The following RBFOX1 variants were observed in gnomAD, a reference collection of about 807,000 sequenced individuals.
The protein encoded by RBFOX1 is RNA binding protein fox-1 homolog 1.
In RBFOX1, 8 loss-of-function variants were observed where a neutral mutation model predicts 57.7. That is an observed-to-expected ratio of 0.14 (90% confidence interval 0.08 to 0.25). The LOEUF is 0.25. RBFOX1 is among the 10% of genes least tolerant of loss of function. The probability of loss-of-function intolerance (pLI) is 1.00; values close to 1 mark genes in which losing one functional copy is unlikely to be tolerated. For synonymous variants in RBFOX1, 326 were observed against 222.4 expected, an observed-to-expected ratio of 1.47 and a Z score of -4.15; for missense variants, 611 against 548.5, an observed-to-expected ratio of 1.11 and a Z score of -1.14.
At chr16:5,637,658 C>G (rs528683472) in intron 3 of RBFOX1, among the ~76,000 whole-genome samples, 2 of 152,286 alleles carry the variant, frequency 1.3e-5, no homozygotes, top group East Asian at 3.9e-4. Context: ...TTTGGGCAGT[C>G]TCTACTTCTG....
At chr16:6,422,002 C>T (rs2093787520) in intron 2 of RBFOX1, among the ~76,000 whole-genome samples, 1 of 148,694 alleles carries the variant, frequency 6.7e-6, no homozygotes, top group Admixed American at 6.9e-5. Context: ...CTCACTGCAA[C>T]CTCTGCCTCC....
chr16:5,392,816 G>C (rs534128747), intron 1 of RBFOX1, among the ~76,000 whole-genome samples: 1 of 152,156 alleles, frequency 6.6e-6, no homozygotes, highest in Non-Finnish European at 1.5e-5. Flanking sequence ...CCTGTGGGCA[G>C]CAGGAGCACC....
At chr16:6,904,868 TTCTC>T (rs1274910862) in intron 3 of RBFOX1, among the ~76,000 whole-genome samples, 1 of 152,082 alleles carries the variant, frequency 6.6e-6, no homozygotes, top group Non-Finnish European at 1.5e-5. Flanking sequence ...TGGGTGAAGT[TTCTC>T]TCTATTACAC....
intron 4 of RBFOX1, among the ~76,000 whole-genome samples, chr16:7,434,019 C>T (rs1331159523): frequency 6.6e-6 from 1 of 152,130 alleles, no homozygotes; most frequent in African/African-American, 2.4e-5. Context: ...CTATTGGAAA[C>T]TGCTCTTGGA....
Position 6,021,739 on chromosome 16 carries a change from T to C in RBFOX1, c.-127+1747T>C, listed in dbSNP as rs1343915569. On this transcript the variant is annotated intron_variant, in intron 1 of 15. Coordinates refer to ENST00000550418, the MANE Select transcript of RBFOX1 (RefSeq NM_018723.4). ...GAGCACAGGGCTTCTGGATCCGTTA[T>C]CTGCCAGCTGTGTGACCTTGGGCAA... Among the ~76,000 whole-genome samples, 7 of 152,336 alleles carry C rather than the reference T, an allele frequency of 4.6e-5. No individual in the cohort carries two copies. In the East Asian group the frequency reaches 1.4e-3, roughly 29 times the overall value.
intron 3 of RBFOX1, among the ~76,000 whole-genome samples, chr16:6,839,576 G>A (rs1025817831): frequency 3.3e-5 from 5 of 152,292 alleles, no homozygotes; most frequent in Middle Eastern, 3.4e-3. Context: ...AGCCCTGCTG[G>A]TATTTCCACA....
intron 3 of RBFOX1, among the ~76,000 whole-genome samples, chr16:6,782,006 T>C (rs527550746): frequency 2.0e-5 from 3 of 152,204 alleles, no homozygotes; most frequent in East Asian, 3.9e-4. Flanking sequence ...GTTGCTGCTG[T>C]TGTTGTTATT....
chr16:5,618,285 C>G (rs1420553212), intron 3 of RBFOX1, among the ~76,000 whole-genome samples: 2 of 152,066 alleles, frequency 1.3e-5, no homozygotes, highest in East Asian at 1.9e-4. Context: ...TGGGTATATG[C>G]ATGAGTCCAG....
intron 4 of RBFOX1, among the ~76,000 whole-genome samples, chr16:7,426,595 T>A (rs2098616414): frequency 1.3e-5 from 2 of 152,098 alleles, no homozygotes; most frequent in Admixed American, 1.3e-4. Context: ...AGGGAGAGGA[T>A]CTCCCCCAAT....
At chr16:7,703,132 C>G (rs893596529) in intron 14 of RBFOX1, among the ~76,000 whole-genome samples, 6 of 152,226 alleles carry the variant, frequency 3.9e-5, no homozygotes, top group Admixed American at 3.3e-4. Flanking sequence ...TGCCCTGTTG[C>G]TATGCTGTAC....
At chr16:5,828,480 G>C (rs1377920823) in intron 3 of RBFOX1, among the ~76,000 whole-genome samples, 1 of 152,054 alleles carries the variant, frequency 6.6e-6, no homozygotes, top group Non-Finnish European at 1.5e-5. Flanking sequence ...TGGGCGGATC[G>C]CGAGGTCAAT....
intron 4 of RBFOX1, among the ~76,000 whole-genome samples, chr16:7,099,731 G>A (rs188965639): frequency 1.2e-4 from 19 of 152,284 alleles, no homozygotes; most frequent in Admixed American, 1.0e-3. Flanking sequence ...CTTCAAGGAG[G>A]AAGGTGTTTC....
intron 3 of RBFOX1, among the ~76,000 whole-genome samples, chr16:6,841,216 C>T (rs72768811): frequency 0.15 from 22,758 of 152,038 alleles, 2,168 homozygotes; most frequent in South Asian, 0.24. Flanking sequence ...TAGTTATAAA[C>T]ATTATAATAA....
chr16:7,176,041 C>T (rs953457622), intron 4 of RBFOX1, among the ~76,000 whole-genome samples: 1 of 151,796 alleles, frequency 6.6e-6, no homozygotes, highest in East Asian at 2.0e-4. Flanking sequence ...GACATGTAAC[C>T]AAGATGGACC....
chr16:7,152,434 A>G (rs547123834), intron 4 of RBFOX1, among the ~76,000 whole-genome samples: 2 of 152,218 alleles, frequency 1.3e-5, no homozygotes, highest in South Asian at 2.1e-4. Context: ...ATTGCCATCA[A>G]TTGTTAATGG....
chr16:7,507,362 T>A (rs930901852), intron 4 of RBFOX1, among the ~76,000 whole-genome samples: 1 of 151,706 alleles, frequency 6.6e-6, no homozygotes, highest in African/African-American at 2.4e-5. Flanking sequence ...AATGTTGGTA[T>A]GATGATCCCC....
intron 3 of RBFOX1, among the ~76,000 whole-genome samples, chr16:7,014,391 A>AT (rs956243804): frequency 1.3e-5 from 2 of 150,834 alleles, no homozygotes; most frequent in African/African-American, 2.4e-5. Context: ...TTTTATTTTT[A>AT]TTTTTTTGTT....
intron 1 of RBFOX1, among the ~76,000 whole-genome samples, chr16:5,348,092 G>C (rs796619313): frequency 1.8e-4 from 20 of 109,512 alleles, no homozygotes; most frequent in African/African-American, 6.2e-4. Context: ...CTCACCCACT[G>C]TTCACCCACC....
At chr16:7,051,124 T>TA (rs371271283) in intron 3 of RBFOX1, among the ~76,000 whole-genome samples, 29 of 151,572 alleles carry the variant, frequency 1.9e-4, no homozygotes, top group African/African-American at 2.9e-4. Flanking sequence ...TTTCACTGGT[T>TA]AAAAAAAAAT....
Sources: allele counts gnomAD v4.1 joint callset (sites outside exome capture counted in the v4.1 genomes callset), GRCh38; gene constraint gnomAD v4.1.1; transcripts MANE v1.5; gene names NCBI Gene and HGNC (gene_info 2026-07-23, HGNC 2026-07-21).